Variants in ZSCAN20 observed in about 807,000 individuals in gnomAD.
The protein encoded by ZSCAN20 is zinc finger and SCAN domain containing 20.
Under a neutral mutation model 97.1 loss-of-function variants are expected in ZSCAN20, and 39 were observed. The ratio of observed to expected loss-of-function variants is 0.40; its 90% CI spans 0.31 to 0.52. The LOEUF is 0.52. ZSCAN20 is among the 20% of genes least tolerant of loss of function. The probability of loss-of-function intolerance (pLI) is 0.49; values close to 1 mark genes in which losing one functional copy is unlikely to be tolerated. For synonymous variants in ZSCAN20, 456 were observed against 467.3 expected, an observed-to-expected ratio of 0.98 and a Z score of 0.31; for missense variants, 1,115 against 1,290.4, an observed-to-expected ratio of 0.86 and a Z score of 2.08.
Position 33,497,142 on chromosome 1 carries a change from G to A in ZSCAN20, c.*1666G>A, listed in dbSNP as rs1200430483. Among the ~76,000 whole-genome samples the A allele has an allele frequency of 2.6e-5, 4 of 152,124 alleles. No individual in the cohort carries two copies. Among genetic ancestry groups the A allele is most frequent in the Non-Finnish European group, 5.9e-5 (4 of 68,008 alleles). On this transcript the variant is annotated 3_prime_UTR_variant, in exon 8 of 8. Transcript: ENST00000684572. ...AAGAATGGAACTTTTATTAACATGT[G>A]AGGAAGCCAGTGGAGAGATTTGCTA...
chr1:33,479,066 A>G, intron 1 of ZSCAN20, 113 bp from the exon 2 acceptor site: 1 of 455,882 alleles, frequency 2.2e-6, no homozygotes, highest in Non-Finnish European at 3.8e-6. Flanking sequence ...GGAAAGGGGC[A>G]TCTCTTAGCA....
At chr1:33,478,015 G>T (rs1652000809) in intron 1 of ZSCAN20, among the ~76,000 whole-genome samples, 1 of 152,144 alleles carries the variant, frequency 6.6e-6, no homozygotes, top group Admixed American at 6.5e-5. Flanking sequence ...GGAAGGTTCA[G>T]AGGGCAGCGT....
In ZSCAN20 at chr1:33,476,086, C is replaced by T. The variant is rs761228188; in HGVS notation, c.-110-3093C>T. On this transcript the variant is annotated intron_variant, in intron 1 of 7. Coordinates refer to ENST00000684572, the MANE Select transcript of ZSCAN20 (RefSeq NM_001377376.1). The stretch of plus-strand genomic sequence containing the variant: ...TCAGTGAGATTATGAATGTGGAACA[C>T]AGCACTGTGCCTGGCACCTTGTGGG... Among the ~76,000 whole-genome samples, 5 of 152,220 alleles carry T rather than the reference C, an allele frequency of 3.3e-5. No individual in the cohort carries two copies. The East Asian group carries it at 7.7e-4, about 23-fold the overall frequency.
intron 2 of ZSCAN20, among the ~76,000 whole-genome samples, chr1:33,482,863 C>CT (rs1459858643): frequency 6.6e-6 from 1 of 152,172 alleles, no homozygotes. Context: ...TGTATATTTT[C>CT]TTTGGTGTGG....
intron 5 of ZSCAN20, 74 bp downstream of exon 5, chr1:33,489,676 G>A (rs148129389): frequency 1.2e-4 from 161 of 1,381,104 alleles, no homozygotes; most frequent in East Asian, 1.0e-3. Context: ...GGGTTTTGCC[G>A]CTCCTTTAAG....
At chr1:33,473,006 T>G (rs1439236397) in intron 1 of ZSCAN20, among the ~76,000 whole-genome samples, 2 of 151,644 alleles carry the variant, frequency 1.3e-5, no homozygotes, top group Non-Finnish European at 2.9e-5. Context: ...GAGGAAAGGA[T>G]AGAGGGTCTG....
chr1:33,481,488 T>A (rs1652154747), intron 2 of ZSCAN20, among the ~76,000 whole-genome samples: 1 of 152,190 alleles, frequency 6.6e-6, no homozygotes, highest in Non-Finnish European at 1.5e-5. Flanking sequence ...TACTGTGACT[T>A]TTTTTATTTT....
At chr1:33,481,872 A>G (rs531315987) in intron 2 of ZSCAN20, among the ~76,000 whole-genome samples, 2 of 152,256 alleles carry the variant, frequency 1.3e-5, no homozygotes, top group African/African-American at 2.4e-5. Context: ...AGGGATTTTT[A>G]AAAAACAGGC....
intron 2 of ZSCAN20, among the ~76,000 whole-genome samples, chr1:33,487,628 C>T (rs1652422249): frequency 6.6e-6 from 1 of 151,554 alleles, no homozygotes; most frequent in Non-Finnish European, 1.5e-5. Context: ...GTACTTTTAT[C>T]TCATTTTAAA....
intron 2 of ZSCAN20, among the ~76,000 whole-genome samples, chr1:33,482,806 C>T (rs548418213): frequency 1.3e-5 from 2 of 152,236 alleles, no homozygotes; most frequent in African/African-American, 4.8e-5. Flanking sequence ...TGCAATTCAC[C>T]AATAACCTAC....
In ZSCAN20 at chr1:33,495,475, A is replaced by G; in HGVS notation, c.3131A>G (p.Ter1044TrpextTer53). ...RRTHAGGKAS* is the reference protein window; with the variant it reads ...RRTHAGGKASW ...ACCCATGCAGGAGGGAAGGCGTCGTAGGGGACAGTTTCCTCAACAACAAAG... is the reference window on the plus strand; with the variant it reads ...ACCCATGCAGGAGGGAAGGCGTCGTGGGGGACAGTTTCCTCAACAACAAAG... The change falls in exon 8 of 8, where the codon TAG becomes TGG. Residue 1044 changes from the stop codon to tryptophan, a stop_lost. Coordinates refer to ENST00000684572, the MANE Select transcript of ZSCAN20 (RefSeq NM_001377376.1). 1 of 1,513,638 alleles carries G rather than the reference A, an allele frequency of 6.6e-7. No homozygotes were observed. The highest frequency in any genetic ancestry group is 8.8e-7 in the Non-Finnish European group (1 of 1,130,292). 93.8% of individuals were successfully genotyped at this position (1,513,638 alleles called of 1,614,324 possible).
rs1570564952 is a variant in ZSCAN20, at chr1:33,493,669, G to A, written c.1873+54G>A. The A allele has an allele frequency of 6.7e-7, 1 of 1,488,272 alleles. No individual in the cohort carries two copies. The highest frequency in any genetic ancestry group is 1.4e-5 in the African/African-American group (1 of 71,468). The allele number at this position is 1,488,272 out of a possible 1,614,324, so 92.2% of individuals were successfully genotyped here. ...AAATCTGTGGGCATGTGGAGAGAAT[G>A]AGGAAGCCAGGCTCATTATCTTTTG... On this transcript the variant is annotated intron_variant, in intron 7 of 7. Transcript: ENST00000684572. The surrounding 1 kb of genome is among the most constrained non-coding windows in gnomAD (Gnocchi z 4.3).
At chr1:33,483,742 A>G (rs897048156) in intron 2 of ZSCAN20, among the ~76,000 whole-genome samples, 1 of 152,150 alleles carries the variant, frequency 6.6e-6, no homozygotes, top group African/African-American at 2.4e-5. Context: ...GATATCCACA[A>G]GATAAATTTC....
At chr1:33,486,025 G>A (rs1178202165) in intron 2 of ZSCAN20, among the ~76,000 whole-genome samples, 2 of 152,176 alleles carry the variant, frequency 1.3e-5, no homozygotes, top group African/African-American at 4.8e-5. Context: ...ATGTGGAAGA[G>A]CAGAGGGAGC....
chr1:33,489,167 T>C lies in ZSCAN20; in HGVS notation c.657T>C (p.Asp219=). The change falls in exon 4 of 8, where the codon GAT becomes GAC. Residue 219 remains aspartate, a synonymous_variant. Coordinates refer to ENST00000684572, the MANE Select transcript of ZSCAN20 (RefSeq NM_001377376.1). ...PTLPKMGSVG[D]WEVTAESQEA... ...TCCCAAAGATGGGGAGCGTTGGAGA[T>C]TGGGAGGTGACAGCTGAGTCCCAGG... 6.2e-7 allele frequency: 1 copy of C among 1,613,848 alleles called. No homozygotes were observed. Among genetic ancestry groups the C allele is most frequent in the Non-Finnish European group, 8.5e-7 (1 of 1,179,852 alleles).
Position 33,493,247 on chromosome 1 carries a change from C to T in ZSCAN20, c.1505C>T (p.Pro502Leu). The T allele has an allele frequency of 6.2e-7, 1 of 1,614,082 alleles. No individual in the cohort carries two copies. The highest frequency in any genetic ancestry group is 8.5e-7 in the Non-Finnish European group (1 of 1,180,042). ...TTCCTGGCAATTCTCAGTGAGTCCC[C>T]ATTCTCGGAAAAGCTTCGTACCTGT... Reference protein sequence around the residue: ...KAFLAILSESPFSEKLRTCHQ... With the variant: ...KAFLAILSESLFSEKLRTCHQ... The change falls in exon 7 of 8, where the codon CCA becomes CTA. Residue 502 changes from proline to leucine, a missense_variant. Coordinates refer to ENST00000684572, the MANE Select transcript of ZSCAN20 (RefSeq NM_001377376.1). The surrounding 1 kb of genome is among the most constrained non-coding windows in gnomAD (Gnocchi z 4.3).
intron 1 of ZSCAN20, among the ~76,000 whole-genome samples, chr1:33,478,354 T>TG (rs11374634): frequency 0.76 from 115,413 of 151,846 alleles, 44,170 homozygotes; most frequent in African/African-American, 0.81. Context: ...GAATTGGATT[T>TG]GGGGATCTTA....
chr1:33,490,853 A>T (rs1652574466), intron 5 of ZSCAN20, among the ~76,000 whole-genome samples, 172 bp from the exon 6 acceptor site: 1 of 152,180 alleles, frequency 6.6e-6, no homozygotes, highest in Non-Finnish European at 1.5e-5. Context: ...TTTCTCATAT[A>T]TTGGTCGTGT....
intron 1 of ZSCAN20, among the ~76,000 whole-genome samples, chr1:33,477,123 G>T (rs1369193652): frequency 2.0e-5 from 3 of 152,114 alleles, no homozygotes; most frequent in Non-Finnish European, 2.9e-5. Flanking sequence ...GATCAGGGAG[G>T]CAATTCTTGG....
Sources: gnomAD v4.1 joint callset for allele counts (sites outside exome capture counted in the v4.1 genomes callset) on GRCh38, gnomAD v4.1.1 for gene constraint, Gnocchi (gnomAD v3.1) non-coding constraint, MANE v1.5 for transcripts, NCBI Gene and HGNC (gene_info 2026-07-23, HGNC 2026-07-21) for gene names.